The following CYP2J2 variants were observed in gnomAD, a reference collection of about 807,000 sequenced individuals.
CYP2J2 encodes the protein cytochrome P450 2J2.
Under a neutral mutation model 48.8 loss-of-function variants are expected in CYP2J2, and 41 were observed. That is an observed-to-expected ratio of 0.84 (90% confidence interval 0.66 to 1.09). CYP2J2 has a LOEUF of 1.09. CYP2J2 is among the 50% of genes least tolerant of loss of function. The pLI is 0.00. For synonymous variants in CYP2J2, 221 were observed against 227.1 expected (o/e 0.97, Z 0.24); for missense variants, 644 against 617.3 (o/e 1.04, Z -0.46).
chr1:59,921,849 G>A (rs142559182), intron 1 of CYP2J2, among the ~76,000 whole-genome samples: 1,623 of 152,250 alleles, frequency 0.011, 23 homozygotes, highest in African/African-American at 0.037. Flanking sequence ...GGCTCTGTTA[G>A]AAATTGCTGA....
chr1:59,926,814 C>T, upstream of CYP2J2: 1 of 1,419,898 alleles, frequency 7.0e-7, no homozygotes, highest in Non-Finnish European at 9.7e-7. Flanking sequence ...ACGGTCCCCG[C>T]CCCGCCTCGC....
At chr1:59,928,761 C>T (rs1644589655), upstream of CYP2J2, among the ~76,000 whole-genome samples, 1 of 152,138 alleles carries the variant, frequency 6.6e-6, no homozygotes, top group Admixed American at 6.5e-5. Flanking sequence ...GCCACAAACA[C>T]CAGAGATGAA....
chr1:59,904,576 C>T (rs1483762500), intron 7 of CYP2J2: 6 of 279,778 alleles, frequency 2.1e-5, no homozygotes, highest in Non-Finnish European at 3.3e-5. Flanking sequence ...CTGCCTGCCA[C>T]GTGCCCACAG....
chr1:59,947,301 C>T, the CYP2J2 span, among the ~76,000 whole-genome samples: 2 of 152,098 alleles, frequency 1.3e-5, no homozygotes, highest in African/African-American at 2.4e-5. Context: ...ACTAAAACAC[C>T]AAAAGAATAG....
intron 8 of CYP2J2, among the ~76,000 whole-genome samples, chr1:59,900,404 G>A (rs11572310): frequency 1.7e-3 from 258 of 152,268 alleles, no homozygotes; most frequent in African/African-American, 5.8e-3. Flanking sequence ...AGGCCGAGGC[G>A]GGTGGATCAC....
At chr1:59,910,755 T>TC (rs531624862) in intron 4 of CYP2J2, among the ~76,000 whole-genome samples, 1 of 151,752 alleles carries the variant, frequency 6.6e-6, no homozygotes, top group African/African-American at 2.4e-5. Flanking sequence ...GGTCAACTTC[T>TC]CCCCCCTCCC....
intron 8 of CYP2J2, among the ~76,000 whole-genome samples, chr1:59,896,669 C>T (rs946642737): frequency 5.9e-5 from 9 of 152,084 alleles, no homozygotes; most frequent in Admixed American, 5.2e-4. Flanking sequence ...CCCACCTGGG[C>T]TACATTACCC....
At chr1:59,903,727 C>T (rs1644340564) in intron 7 of CYP2J2, among the ~76,000 whole-genome samples, 1 of 152,178 alleles carries the variant, frequency 6.6e-6, no homozygotes, top group South Asian at 2.1e-4. Context: ...TTAACTTAGA[C>T]CAATTGAAAA....
Position 59,911,653 on chromosome 1 carries a change from C to T in CYP2J2, c.639G>A (p.Lys213=). ...CCAAGTATGTGACTTCATCTAGTAACTTCAGCAGCTGCTGAAACCAACTAT... is the reference window on the plus strand; with the variant it reads ...CCAAGTATGTGACTTCATCTAGTAATTTCAGCAGCTGCTGAAACCAACTAT... ...YQDSWFQQLL[K]LLDEVTYLEA... The change falls in exon 4 of 9, where the codon AAG becomes AAA. Residue 213 remains lysine (K), a synonymous_variant. Transcript: ENST00000371204. 6.2e-7 allele frequency: 1 copy of T among 1,613,284 alleles called. No individual in the cohort carries two copies.
chr1:59,942,110 C>A, the CYP2J2 span, among the ~76,000 whole-genome samples: 2 of 152,072 alleles, frequency 1.3e-5, no homozygotes, highest in Admixed American at 1.3e-4. Context: ...TTTTGTGAAA[C>A]TTATGTTCTG....
At chr1:59,894,110 G>A (rs371102612) in intron 8 of CYP2J2, among the ~76,000 whole-genome samples, 2 of 152,252 alleles carry the variant, frequency 1.3e-5, no homozygotes, top group East Asian at 1.9e-4. Flanking sequence ...AGCGGAAGGC[G>A]TGGGCTGAGC....
At chr1:59,957,070 C>G in the CYP2J2 span, among the ~76,000 whole-genome samples, 1 of 152,182 alleles carries the variant, frequency 6.6e-6, no homozygotes, top group Non-Finnish European at 1.5e-5. Flanking sequence ...ACAGAGCCCC[C>G]CACTTGGGTG....
chr1:59,967,468 C>T, the CYP2J2 span, among the ~76,000 whole-genome samples: 2 of 152,236 alleles, frequency 1.3e-5, no homozygotes, highest in Non-Finnish European at 2.9e-5. Context: ...GACAGGGATT[C>T]TGTTATCAAG....
At chr1:59,959,217 T>C in the CYP2J2 span, among the ~76,000 whole-genome samples, 3 of 152,196 alleles carry the variant, frequency 2.0e-5, no homozygotes, top group African/African-American at 7.2e-5. Flanking sequence ...AGAACATCTC[T>C]TAACTCCATG....
chr1:59,900,738 G>A (rs1028243710), intron 8 of CYP2J2, among the ~76,000 whole-genome samples: 1 of 152,174 alleles, frequency 6.6e-6, no homozygotes, highest in Admixed American at 6.5e-5. Context: ...CAGGAAAGCT[G>A]AAATCTCTAG....
chr1:59,900,006 A>G (rs1004397335), intron 8 of CYP2J2, among the ~76,000 whole-genome samples: 1 of 152,250 alleles, frequency 6.6e-6, no homozygotes, highest in African/African-American at 2.4e-5. Flanking sequence ...TGAGTTAAAA[A>G]TATATTTTTG....
At chr1:59,917,150 C>T (rs1644473616) in intron 1 of CYP2J2, among the ~76,000 whole-genome samples, 2 of 152,022 alleles carry the variant, frequency 1.3e-5, no homozygotes, top group Non-Finnish European at 2.9e-5. Flanking sequence ...GAAAATTATT[C>T]CTCTCTCTTA....
the CYP2J2 span, among the ~76,000 whole-genome samples, chr1:59,968,976 A>T: frequency 6.6e-6 from 1 of 151,960 alleles, no homozygotes; most frequent in Non-Finnish European, 1.5e-5. Context: ...CTGGCTCAGG[A>T]GTGAAGCTGC....
intron 1 of CYP2J2, among the ~76,000 whole-genome samples, chr1:59,920,043 T>C (rs566742596): frequency 9.2e-5 from 14 of 152,208 alleles, no homozygotes; most frequent in African/African-American, 3.1e-4. Flanking sequence ...TGTGTTATTA[T>C]GCTGATAGAG....
Sources: gnomAD v4.1 joint callset for allele counts (sites outside exome capture counted in the v4.1 genomes callset) on GRCh38, gnomAD v4.1.1 for gene constraint, MANE v1.5 for transcripts, NCBI Gene and HGNC (gene_info 2026-07-23, HGNC 2026-07-21) for gene names.